The following TMEM132B variants were observed in gnomAD, a reference collection of about 807,000 sequenced individuals.
TMEM132B encodes the protein transmembrane protein 132B.
In TMEM132B, 18 loss-of-function variants were observed where a neutral mutation model predicts 90.8. The observed-to-expected ratio is 0.20, with a 90% CI of 0.14 to 0.29. The LOEUF (loss-of-function observed/expected upper bound fraction) is 0.29, where lower values mean the gene tolerates loss of function less well. Among genes scored for constraint, TMEM132B ranks in the 10% least tolerant of loss-of-function variants. TMEM132B has a pLI of 1.00. For synonymous variants in TMEM132B, 504 were observed against 523.3 expected, an observed-to-expected ratio of 0.96 and a Z score of 0.50; for missense variants, 1,096 against 1,326.8, an observed-to-expected ratio of 0.83 and a Z score of 2.70.
At position 125,387,376 on chromosome 12, in the gene TMEM132B, G is replaced by A. The variant is rs1357146099; in HGVS notation, c.960-28155G>A. On this transcript the variant is annotated intron_variant, in intron 2 of 8. Coordinates refer to ENST00000682704, the MANE Select transcript of TMEM132B (RefSeq NM_001366854.1). ...CTGGTTGTTTATTAATGAAAGAATA[G>A]TTGGGTCTCTTATCTGTGTGCAGTG... Among the ~76,000 whole-genome samples, 4 of 152,204 alleles carry A rather than the reference G, an allele frequency of 2.6e-5. No homozygotes were observed. The South Asian group carries it at 8.3e-4, about 32-fold the overall frequency.
At chr12:125,295,525 A>T (rs1253272050) in intron 1 of TMEM132B, among the ~76,000 whole-genome samples, 3 of 139,016 alleles carry the variant, frequency 2.2e-5, no homozygotes, top group Non-Finnish European at 4.7e-5. Context: ...TGAGAGAGAG[A>T]GAGAGAGAGA....
chr12:125,392,811 G>A (rs1196443250), intron 2 of TMEM132B, among the ~76,000 whole-genome samples: 1 of 152,224 alleles, frequency 6.6e-6, no homozygotes, highest in Non-Finnish European at 1.5e-5. Context: ...TCGCAGGCTT[G>A]CATGAGGAAC....
At chr12:125,636,555 AG>A (rs1333019791) in intron 5 of TMEM132B, among the ~76,000 whole-genome samples, 1 of 152,138 alleles carries the variant, frequency 6.6e-6, no homozygotes, top group Non-Finnish European at 1.5e-5. Context: ...TGGCTTTCAA[AG>A]GTGCTCCTAC....
chr12:125,582,901 C>A (rs1025464227), intron 4 of TMEM132B, among the ~76,000 whole-genome samples: 2 of 152,116 alleles, frequency 1.3e-5, no homozygotes, highest in East Asian at 3.9e-4. Context: ...ATGGGCTCAA[C>A]TGTGGTGAGG....
chr12:125,643,113 G>T (rs894773154), intron 5 of TMEM132B, among the ~76,000 whole-genome samples: 1 of 152,120 alleles, frequency 6.6e-6, no homozygotes, highest in African/African-American at 2.4e-5. Flanking sequence ...CTGAGTTGTA[G>T]TTACAGATTC....
intron 4 of TMEM132B, among the ~76,000 whole-genome samples, chr12:125,528,918 A>G (rs566653945): frequency 6.6e-6 from 1 of 152,210 alleles, no homozygotes; most frequent in Admixed American, 6.5e-5. Flanking sequence ...GGTGTGTTAC[A>G]TTAATTGTGT....
At chr12:125,188,864 A>AAAG (rs1555230824) in intron 1 of TMEM132B, among the ~76,000 whole-genome samples, 21 of 148,214 alleles carry the variant, frequency 1.4e-4, no homozygotes, top group African/African-American at 4.7e-4. Context: ...AAAAAAAAAA[A>AAAG]AAAAAAAAAG....
intron 1 of TMEM132B, among the ~76,000 whole-genome samples, chr12:125,268,404 G>A (rs1291128280): frequency 6.6e-6 from 1 of 152,222 alleles, no homozygotes; most frequent in Non-Finnish European, 1.5e-5. Context: ...AAGGCTAGAG[G>A]CAACCTGAAT....
intron 3 of TMEM132B, among the ~76,000 whole-genome samples, chr12:125,448,003 C>T (rs1414274639): frequency 6.6e-6 from 1 of 152,184 alleles, no homozygotes; most frequent in Non-Finnish European, 1.5e-5. Flanking sequence ...CGGTGGCTCA[C>T]ACCTGTAATC....
chr12:125,493,394 AT>A, intron 3 of TMEM132B, among the ~76,000 whole-genome samples: 1 of 152,280 alleles, frequency 6.6e-6, no homozygotes, highest in Admixed American at 6.5e-5. Flanking sequence ...ATATGGGGAA[AT>A]GTAGTTCAGA....
At chr12:125,231,670 A>G (rs1873827187) in intron 1 of TMEM132B, among the ~76,000 whole-genome samples, 1 of 152,166 alleles carries the variant, frequency 6.6e-6, no homozygotes, top group Non-Finnish European at 1.5e-5. Context: ...GATTGGAACC[A>G]GGGTAGAAGC....
intron 3 of TMEM132B, among the ~76,000 whole-genome samples, chr12:125,446,849 C>G (rs1012197587): frequency 4.6e-5 from 7 of 152,146 alleles, no homozygotes; most frequent in African/African-American, 1.7e-4. Flanking sequence ...TGCTGGCTAG[C>G]AACCATGAAA....
chr12:125,515,691 TC>T (rs1475000848), intron 3 of TMEM132B, among the ~76,000 whole-genome samples: 51 of 150,822 alleles, frequency 3.4e-4, no homozygotes, highest in African/African-American at 9.5e-4. Context: ...ACACATTCCC[TC>T]CCACACTCAC....
At chr12:125,509,104 T>C (rs1882916870) in intron 3 of TMEM132B, among the ~76,000 whole-genome samples, 1 of 152,136 alleles carries the variant, frequency 6.6e-6, no homozygotes, top group South Asian at 2.1e-4. Context: ...GTTTTCTGTG[T>C]GTGACTCTGC....
chr12:125,400,919 C>T (rs1475257480), intron 2 of TMEM132B, among the ~76,000 whole-genome samples: 3 of 152,284 alleles, frequency 2.0e-5, no homozygotes, highest in South Asian at 2.1e-4. Flanking sequence ...CTGAGGACCC[C>T]GTGCTTCAGA....
chr12:125,475,239 G>C (rs962733655), intron 3 of TMEM132B, among the ~76,000 whole-genome samples: 1 of 152,284 alleles, frequency 6.6e-6, no homozygotes, highest in Admixed American at 6.5e-5. Flanking sequence ...ATTTAGGTTA[G>C]TATCATTAGC....
chr12:125,270,948 G>T (rs982876900), intron 1 of TMEM132B, among the ~76,000 whole-genome samples: 15 of 145,874 alleles, frequency 1.0e-4, no homozygotes, highest in Admixed American at 6.8e-4. Flanking sequence ...AAACATAGTT[G>T]TTTTTTTTTT....
At chr12:125,619,024 T>G (rs1275345184) in intron 5 of TMEM132B, among the ~76,000 whole-genome samples, 1 of 152,216 alleles carries the variant, frequency 6.6e-6, no homozygotes, top group Non-Finnish European at 1.5e-5. Context: ...TGGCTGACCT[T>G]GAAAATTTGG....
intron 1 of TMEM132B, among the ~76,000 whole-genome samples, chr12:125,316,825 G>C (rs1279846842): frequency 6.6e-6 from 1 of 152,234 alleles, no homozygotes; most frequent in Admixed American, 6.5e-5. Context: ...AGGCCACCAT[G>C]AGAACTTGGA....
Sources: gnomAD v4.1 joint callset for allele counts (sites outside exome capture counted in the v4.1 genomes callset) on GRCh38, gnomAD v4.1.1 for gene constraint, MANE v1.5 for transcripts, NCBI Gene and HGNC (gene_info 2026-07-23, HGNC 2026-07-21) for gene names.